EDIL3: variants seen among roughly 807,000 people sequenced by gnomAD.
EDIL3 encodes the protein EGF-like repeat and discoidin I-like domain-containing protein 3.
A neutral mutation model predicts 67.4 loss-of-function variants in EDIL3; 37 were observed. The observed-to-expected ratio is 0.55, with a 90% CI of 0.42 to 0.72. The LOEUF is 0.72. Among genes scored for constraint, EDIL3 ranks in the 30% least tolerant of loss-of-function variants. The pLI, the probability that EDIL3 is intolerant of heterozygous loss-of-function variation, is 0.00. For synonymous variants in EDIL3, 195 were observed against 196.3 expected (o/e 0.99, Z 0.05); for missense variants, 527 against 586.3 (o/e 0.90, Z 1.04).
At chr5:84,309,309 CTTTG>C (rs1254395599) in intron 1 of EDIL3, among the ~76,000 whole-genome samples, 3 of 100,794 alleles carry the variant, frequency 3.0e-5, no homozygotes, top group Non-Finnish European at 6.5e-5. Context: ...CTTTTTTTTT[CTTTG>C]TTTTTTTTTT....
chr5:84,020,962 T>A (rs943342377), intron 9 of EDIL3, among the ~76,000 whole-genome samples: 1 of 152,020 alleles, frequency 6.6e-6, no homozygotes, highest in Non-Finnish European at 1.5e-5. Context: ...AGTTTCTACT[T>A]TTAGTTAGAT....
chr5:84,070,155 A>T (rs1226812950), intron 6 of EDIL3, among the ~76,000 whole-genome samples: 1 of 151,926 alleles, frequency 6.6e-6, no homozygotes, highest in African/African-American at 2.4e-5. Context: ...TGCTTCCACC[A>T]CTCAACAAAA....
intron 10 of EDIL3, among the ~76,000 whole-genome samples, chr5:83,960,721 C>T (rs750197791): frequency 1.3e-5 from 2 of 150,762 alleles, no homozygotes; most frequent in South Asian, 2.1e-4. Flanking sequence ...AATAGCAAAA[C>T]GTTATGGCTG....
At chr5:84,059,914 A>G (rs1035597986) in intron 9 of EDIL3, among the ~76,000 whole-genome samples, 1 of 152,202 alleles carries the variant, frequency 6.6e-6, no homozygotes, top group African/African-American at 2.4e-5. Context: ...TTCTACGTGA[A>G]CAGTTTGCAG....
chr5:84,083,530 T>C (rs944849334), intron 6 of EDIL3, among the ~76,000 whole-genome samples: 7 of 152,182 alleles, frequency 4.6e-5, no homozygotes, highest in African/African-American at 1.7e-4. Context: ...AAGAGCAAGA[T>C]GTTTGTCTTC....
At chr5:84,042,338 G>C (rs1419061362) in intron 9 of EDIL3, among the ~76,000 whole-genome samples, 1 of 151,584 alleles carries the variant, frequency 6.6e-6, no homozygotes, top group Non-Finnish European at 1.5e-5. Flanking sequence ...CTTCAGTGCA[G>C]TGGCTTGATC....
chr5:84,142,603 C>T (rs1408688547), intron 4 of EDIL3, among the ~76,000 whole-genome samples: 1 of 151,986 alleles, frequency 6.6e-6, no homozygotes, highest in Non-Finnish European at 1.5e-5. Flanking sequence ...ATTTTGAATA[C>T]TGACCACCAT....
chr5:83,987,345 T>C (rs542324198), intron 9 of EDIL3, among the ~76,000 whole-genome samples: 11 of 152,196 alleles, frequency 7.2e-5, no homozygotes, highest in Non-Finnish European at 1.5e-4. Flanking sequence ...TAACATTTTA[T>C]AACTTTTTAA....
At chr5:84,192,565 T>G (rs973936085) in intron 3 of EDIL3, among the ~76,000 whole-genome samples, 3 of 152,046 alleles carry the variant, frequency 2.0e-5, no homozygotes, top group African/African-American at 7.2e-5. Context: ...ATTGTTTATT[T>G]TTATTCCCTT....
chr5:83,944,607 CT>C (rs996530210), intron 10 of EDIL3, among the ~76,000 whole-genome samples: 3 of 151,552 alleles, frequency 2.0e-5, no homozygotes, highest in Non-Finnish European at 2.9e-5. Flanking sequence ...AGATTTTATC[CT>C]TTTTTTCTTA....
intron 4 of EDIL3, among the ~76,000 whole-genome samples, chr5:84,157,294 C>T (rs113269320): frequency 0.03 from 4,596 of 151,874 alleles, 215 homozygotes; most frequent in African/African-American, 0.1. Flanking sequence ...ATATAACAAA[C>T]CTGCACATGT....
chr5:84,154,676 G>A (rs1435939019), intron 4 of EDIL3, among the ~76,000 whole-genome samples: 1 of 142,780 alleles, frequency 7.0e-6, no homozygotes, highest in African/African-American at 2.6e-5. Flanking sequence ...GCCTCCTGGA[G>A]CCCTCTTCTG....
intron 1 of EDIL3, among the ~76,000 whole-genome samples, chr5:84,328,803 T>C (rs1226763006): frequency 6.6e-6 from 1 of 152,074 alleles, no homozygotes; most frequent in African/African-American, 2.4e-5. Context: ...ACTGCATCTG[T>C]AAGATTATTT....
chr5:84,226,384 A>T (rs2112405485), intron 3 of EDIL3, among the ~76,000 whole-genome samples: 1 of 151,806 alleles, frequency 6.6e-6, no homozygotes, highest in East Asian at 1.9e-4. Flanking sequence ...GATATATATG[A>T]TTACTGAAAA....
chr5:84,183,706 G>A (rs1231275217), intron 3 of EDIL3, among the ~76,000 whole-genome samples: 2 of 152,190 alleles, frequency 1.3e-5, no homozygotes, highest in Non-Finnish European at 2.9e-5. Flanking sequence ...TTATATCACA[G>A]AGAAAATAAG....
chr5:84,057,680 T>C (rs185333464), intron 9 of EDIL3, among the ~76,000 whole-genome samples: 1 of 152,300 alleles, frequency 6.6e-6, no homozygotes, highest in Admixed American at 6.5e-5. Context: ...ATCTTTTAAA[T>C]ATTGAAAAAT....
At chr5:84,089,331 C>G (rs1747124944) in intron 6 of EDIL3, among the ~76,000 whole-genome samples, 2 of 152,224 alleles carry the variant, frequency 1.3e-5, no homozygotes, top group Admixed American at 1.3e-4. Flanking sequence ...AATCAAAAAG[C>G]CGATGAACTC....
intron 6 of EDIL3, among the ~76,000 whole-genome samples, chr5:84,080,178 C>T (rs1746938193): frequency 6.9e-6 from 1 of 145,738 alleles, no homozygotes; most frequent in Non-Finnish European, 1.5e-5. Context: ...CGCCTGTAGT[C>T]CCAGCTACTC....
chr5:84,191,646 T>C (rs534714033), intron 3 of EDIL3, among the ~76,000 whole-genome samples: 20 of 152,170 alleles, frequency 1.3e-4, no homozygotes, highest in African/African-American at 4.8e-4. Context: ...ACATAATGAC[T>C]GCTTATAATC....
Sources: allele counts gnomAD v4.1 joint callset (sites outside exome capture counted in the v4.1 genomes callset), GRCh38; gene constraint gnomAD v4.1.1; transcripts MANE v1.5; gene names NCBI Gene and HGNC (gene_info 2026-07-23, HGNC 2026-07-21).